The following EIF4G3 variants were observed in gnomAD, a reference collection of about 807,000 sequenced individuals.
EIF4G3 encodes the protein eIF-4-gamma 3.
In EIF4G3, 34 loss-of-function variants were observed where a neutral mutation model predicts 186.4. The observed-to-expected ratio is 0.18, with a 90% CI of 0.14 to 0.24. The LOEUF is 0.24. Ranked by LOEUF, EIF4G3 falls within the 10% of genes least tolerant of loss-of-function variation. EIF4G3 has a pLI of 1.00. For missense variants in EIF4G3, 1,536 were observed against 1,948.5 expected (o/e 0.79, Z 3.99); for synonymous variants, 673 against 679.5 (o/e 0.99, Z 0.15).
chr1:21,151,704 A>C (rs1032405154), intron 2 of EIF4G3, among the ~76,000 whole-genome samples: 1 of 102,732 alleles, frequency 9.7e-6, no homozygotes, highest in African/African-American at 3.6e-5. Context: ...ATTCTATAAA[A>C]GCAAATTGTA....
intron 14 of EIF4G3, among the ~76,000 whole-genome samples, chr1:20,930,018 G>C (rs535785012): frequency 6.6e-6 from 1 of 152,286 alleles, no homozygotes; most frequent in East Asian, 1.9e-4. Context: ...GCGTATAAAA[G>C]TTATGTTTCT....
chr1:20,955,603 A>G (rs2096390350), intron 12 of EIF4G3, among the ~76,000 whole-genome samples: 1 of 152,204 alleles, frequency 6.6e-6, no homozygotes, highest in Admixed American at 6.5e-5. Context: ...AGCAGTTACA[A>G]GAATGCAATT....
chr1:21,043,808 A>G (rs1466586444), intron 4 of EIF4G3, among the ~76,000 whole-genome samples: 2 of 149,910 alleles, frequency 1.3e-5, no homozygotes, highest in East Asian at 4.0e-4. Flanking sequence ...TGGGAGGTGG[A>G]GACTGCAGTG....
intron 34 of EIF4G3, among the ~76,000 whole-genome samples, chr1:20,814,754 C>T (rs9699998): frequency 0.32 from 4,266 of 13,422 alleles, 632 homozygotes; most frequent in East Asian, 0.52. Flanking sequence ...TTCATCTCCC[C>T]CTCCCCCTCC....
intron 20 of EIF4G3, among the ~76,000 whole-genome samples, chr1:20,868,263 A>C (rs970463138): frequency 6.6e-6 from 1 of 151,882 alleles, no homozygotes; most frequent in African/African-American, 2.4e-5. Flanking sequence ...AAAATACCAT[A>C]GACTGGGTGG....
At chr1:20,872,664 T>C (rs1364646629) in intron 20 of EIF4G3, among the ~76,000 whole-genome samples, 1 of 151,568 alleles carries the variant, frequency 6.6e-6, no homozygotes, top group African/African-American at 2.4e-5. Context: ...CACAACCCCT[T>C]GTCTCCAAAG....
At chr1:20,976,780 G>A (rs1482819966) in intron 10 of EIF4G3, among the ~76,000 whole-genome samples, 2 of 152,152 alleles carry the variant, frequency 1.3e-5, no homozygotes, top group Non-Finnish European at 2.9e-5. Context: ...GCTCATGCCT[G>A]TAATCCTAGC....
chr1:20,851,121 A>ACC, intron 28 of EIF4G3, 137 bp downstream of exon 28: 1 of 721,866 alleles, frequency 1.4e-6, no homozygotes, highest in East Asian at 2.7e-5. Context: ...ACTATGAAGT[A>ACC]CCCTTTAACT....
At chr1:21,003,034 C>T (rs766791869) in intron 4 of EIF4G3, among the ~76,000 whole-genome samples, 1 of 148,828 alleles carries the variant, frequency 6.7e-6, no homozygotes, top group Non-Finnish European at 1.5e-5. Context: ...CTTGCTCTGT[C>T]ACCCGGGCTA....
At chr1:21,149,856 T>C (rs766146699) in intron 2 of EIF4G3, among the ~76,000 whole-genome samples, 1 of 152,244 alleles carries the variant, frequency 6.6e-6, no homozygotes, top group African/African-American at 2.4e-5. Flanking sequence ...ATTCTGGACA[T>C]GTATCTGTCA....
At chr1:21,000,709 G>A (rs994551786) in intron 6 of EIF4G3, among the ~76,000 whole-genome samples, 4 of 152,062 alleles carry the variant, frequency 2.6e-5, no homozygotes, top group Non-Finnish European at 5.9e-5. Context: ...CTTGTTTTAG[G>A]GTATGTAATG....
intron 12 of EIF4G3, among the ~76,000 whole-genome samples, chr1:20,964,940 G>A (rs780459276): frequency 3.3e-5 from 5 of 152,316 alleles, no homozygotes; most frequent in Non-Finnish European, 5.9e-5. Flanking sequence ...ACAGTCCCAC[G>A]AGTCGTCTTT....
At chr1:20,853,480 T>C in intron 27 of EIF4G3, 80 bp downstream of exon 27, 3 of 883,898 alleles carry the variant, frequency 3.4e-6, no homozygotes, top group Non-Finnish European at 5.6e-6. Context: ...AGGATTGCTA[T>C]CAAAACCCTT....
At position 21,124,490 on chromosome 1, in the gene EIF4G3, T is replaced by G. The variant is rs77628195; in HGVS notation, c.-271-35277A>C. Among the ~76,000 whole-genome samples, 720 of 152,304 alleles carry G rather than the reference T, an allele frequency of 4.7e-3. 7 individuals are homozygous for G. The highest frequency in any genetic ancestry group is 0.015 in the African/African-American group (627 of 41,554). On this transcript the variant is annotated intron_variant, in intron 2 of 36. Coordinates refer to ENST00000602326, the MANE Select transcript of EIF4G3 (RefSeq NM_001391906.1). ...ATCTAAAGGGTAGGCTTTATTTTGC[T>G]TCTATAAGAGGATAACTCACTGACA...
At chr1:20,859,445 A>T (rs1332882840) in intron 24 of EIF4G3, among the ~76,000 whole-genome samples, 3 of 152,204 alleles carry the variant, frequency 2.0e-5, no homozygotes, top group Non-Finnish European at 4.4e-5. Flanking sequence ...GACAATAACT[A>T]ATGGTTACTG....
intron 4 of EIF4G3, among the ~76,000 whole-genome samples, chr1:21,033,998 G>A (rs1316863806): frequency 1.3e-5 from 2 of 152,164 alleles, no homozygotes; most frequent in African/African-American, 4.8e-5. Flanking sequence ...CTGAGGTGAG[G>A]GTGGCTGAGA....
intron 4 of EIF4G3, among the ~76,000 whole-genome samples, chr1:21,009,067 A>G (rs1041812665): frequency 5.3e-5 from 8 of 152,250 alleles, no homozygotes; most frequent in Admixed American, 5.2e-4. Context: ...ACATAGCTAT[A>G]CCAATAAGTT....
chr1:21,107,484 A>G (rs1485044960), intron 2 of EIF4G3, among the ~76,000 whole-genome samples: 2 of 152,076 alleles, frequency 1.3e-5, no homozygotes, highest in Admixed American at 1.3e-4. Context: ...AAAACTATCC[A>G]ATTTTTAAAA....
chr1:21,103,558 T>C (rs2101895183), intron 2 of EIF4G3, among the ~76,000 whole-genome samples: 1 of 152,218 alleles, frequency 6.6e-6, no homozygotes, highest in South Asian at 2.1e-4. Context: ...AGAAACAAGA[T>C]CCAGGCTGGG....
Sources: allele counts gnomAD v4.1 joint callset (sites outside exome capture counted in the v4.1 genomes callset), GRCh38; gene constraint gnomAD v4.1.1; transcripts MANE v1.5; gene names NCBI Gene and HGNC (gene_info 2026-07-23, HGNC 2026-07-21).